The following SLIT3 variants were observed in gnomAD, a reference collection of about 807,000 sequenced individuals.
The protein encoded by SLIT3 is slit guidance ligand 3, also known as slit homolog 3 protein.
SLIT3 carries 68 observed loss-of-function variants against 184.0 expected under a neutral mutation model. That is an observed-to-expected ratio of 0.37 (90% CI 0.30 to 0.45). The LOEUF (loss-of-function observed/expected upper bound fraction) is 0.45, where lower values mean the gene tolerates loss of function less well. Ranked by LOEUF, SLIT3 falls within the 20% of genes least tolerant of loss-of-function variation. The pLI, the probability that SLIT3 is intolerant of heterozygous loss-of-function variation, is 1.00. For synonymous variants in SLIT3, 831 were observed against 828.6 expected (o/e 1.00, Z -0.05); for missense variants, 1,707 against 2,026.0 (o/e 0.84, Z 3.02).
At chr5:168,967,258 G>A (rs2113306665) in intron 4 of SLIT3, among the ~76,000 whole-genome samples, 1 of 151,846 alleles carries the variant, frequency 6.6e-6, no homozygotes, top group East Asian at 1.9e-4. Flanking sequence ...GACACACACT[G>A]GGGTAAAATT....
chr5:169,164,529 T>A (rs552262886), intron 4 of SLIT3, among the ~76,000 whole-genome samples: 25 of 152,252 alleles, frequency 1.6e-4, no homozygotes, highest in Admixed American at 1.6e-3. Flanking sequence ...TGCACTGGGG[T>A]AAACTTGGCC....
intron 16 of SLIT3, among the ~76,000 whole-genome samples, chr5:168,759,736 C>A (rs1380715096): frequency 6.6e-6 from 1 of 152,104 alleles, no homozygotes; most frequent in Admixed American, 6.5e-5. Context: ...TGTGAAGGCA[C>A]GGAGAGTCTT....
chr5:168,677,153 G>C (rs752845939), intron 32 of SLIT3, among the ~76,000 whole-genome samples: 1 of 152,212 alleles, frequency 6.6e-6, no homozygotes, highest in Non-Finnish European at 1.5e-5. Flanking sequence ...GCTTTGAGGA[G>C]AGAGATCTGG....
chr5:168,669,383 C>T (rs748469609), intron 35 of SLIT3, among the ~76,000 whole-genome samples: 19 of 152,206 alleles, frequency 1.2e-4, no homozygotes, highest in Non-Finnish European at 2.2e-4. Context: ...CAACACCCAG[C>T]GCCATGGGAG....
chr5:168,807,897 G>A (rs1001690442), intron 8 of SLIT3, among the ~76,000 whole-genome samples: 6 of 152,120 alleles, frequency 3.9e-5, no homozygotes, highest in African/African-American at 1.2e-4. Context: ...TGCGCTCTCC[G>A]CGTTCAATAG....
intron 4 of SLIT3, among the ~76,000 whole-genome samples, chr5:168,942,272 G>C (rs2113209736): frequency 6.6e-6 from 1 of 152,222 alleles, no homozygotes; most frequent in Middle Eastern, 3.4e-3. Context: ...TGTAAAAACA[G>C]TCTCAATGAC....
At chr5:168,899,562 G>C (rs1356677753) in intron 4 of SLIT3, among the ~76,000 whole-genome samples, 1 of 152,094 alleles carries the variant, frequency 6.6e-6, no homozygotes, top group Non-Finnish European at 1.5e-5. Context: ...ATGATGCTGG[G>C]CATTTGTACT....
chr5:168,965,516 A>C (rs1415948248), intron 4 of SLIT3, among the ~76,000 whole-genome samples: 1 of 152,174 alleles, frequency 6.6e-6, no homozygotes, highest in Non-Finnish European at 1.5e-5. Context: ...TTTTCATTGC[A>C]TTTTGACCAA....
intron 13 of SLIT3, among the ~76,000 whole-genome samples, chr5:168,773,891 T>C (rs1314308189): frequency 3.3e-5 from 5 of 152,154 alleles, no homozygotes. Flanking sequence ...TCTGCCTGGA[T>C]TCAAAACCTG....
intron 20 of SLIT3, among the ~76,000 whole-genome samples, chr5:168,747,663 G>A (rs1754533945): frequency 6.6e-6 from 1 of 152,154 alleles, no homozygotes; most frequent in South Asian, 2.1e-4. Flanking sequence ...GAGCCCTACA[G>A]GAAGAGGCTA....
intron 3 of SLIT3, among the ~76,000 whole-genome samples, chr5:169,213,751 A>T (rs1273969759): frequency 1.3e-5 from 2 of 152,192 alleles, no homozygotes; most frequent in Non-Finnish European, 2.9e-5. Context: ...GTGGGTAAAA[A>T]CTTTTTTCTC....
intron 3 of SLIT3, among the ~76,000 whole-genome samples, chr5:169,232,121 G>A (rs753145355): frequency 0.012 from 1,820 of 152,240 alleles, 23 homozygotes; most frequent in Non-Finnish European, 0.015. Context: ...TTTCAATAAT[G>A]TATTTTGGCG....
At chr5:168,862,087 A>G (rs1264353951) in intron 5 of SLIT3, among the ~76,000 whole-genome samples, 2 of 152,326 alleles carry the variant, frequency 1.3e-5, no homozygotes, top group African/African-American at 4.8e-5. Flanking sequence ...TTTGTGGTCT[A>G]TTTATTTTTC....
At chr5:169,246,457 T>C (rs1171257366) in intron 2 of SLIT3, among the ~76,000 whole-genome samples, 9 of 152,206 alleles carry the variant, frequency 5.9e-5, no homozygotes, top group African/African-American at 2.2e-4. Flanking sequence ...CCTGTTTTGC[T>C]TGCACATTAG....
chr5:168,868,374 T>C (rs1759384234), intron 5 of SLIT3, among the ~76,000 whole-genome samples: 1 of 152,154 alleles, frequency 6.6e-6, no homozygotes, highest in African/African-American at 2.4e-5. Context: ...CACTGCAACT[T>C]TGAACTCCTG....
chr5:169,202,282 T>C (rs563077154), intron 3 of SLIT3, among the ~76,000 whole-genome samples: 3 of 152,292 alleles, frequency 2.0e-5, no homozygotes, highest in Admixed American at 2.0e-4. Context: ...TCCTTGTCCA[T>C]CTATCCATCC....
At chr5:168,907,979 T>TATATATAGAGAG (rs376418381) in intron 4 of SLIT3, among the ~76,000 whole-genome samples, 5 of 50,086 alleles carry the variant, frequency 1.0e-4, no homozygotes, top group Non-Finnish European at 1.3e-4. Context: ...TATATATATA[T>TATATATAGAGAG]AGAGAGAGAG....
rs116808101 is a variant in SLIT3, at chr5:169,075,827, C to A, written c.413+117652G>T. On this transcript the variant is annotated intron_variant, in intron 4 of 35. Coordinates refer to ENST00000519560, the MANE Select transcript of SLIT3 (RefSeq NM_003062.4). Reference sequence around the variant, plus strand: ...CTTTCTCCAGCCATGCTAGTAAAGGCAGACCTTCTGTCTATCTATCTACAT... The same window carrying A: ...CTTTCTCCAGCCATGCTAGTAAAGGAAGACCTTCTGTCTATCTATCTACAT... Among the ~76,000 whole-genome samples the A allele has an allele frequency of 4.2e-3, 635 of 152,336 alleles. 5 individuals carry two copies. Among genetic ancestry groups the A allele is most frequent in the African/African-American group, 0.014 (595 of 41,570 alleles).
At chr5:168,769,220 T>C (rs1039168823) in intron 14 of SLIT3, among the ~76,000 whole-genome samples, 2 of 152,088 alleles carry the variant, frequency 1.3e-5, no homozygotes, top group African/African-American at 4.8e-5. Flanking sequence ...CAGGTGAGGG[T>C]ACCCAGTTTT....
Sources: gnomAD v4.1 joint callset for allele counts (sites outside exome capture counted in the v4.1 genomes callset) on GRCh38, gnomAD v4.1.1 for gene constraint, MANE v1.5 for transcripts, NCBI Gene and HGNC (gene_info 2026-07-23, HGNC 2026-07-21) for gene names.